The following RADIL variants were observed in gnomAD, a reference collection of about 807,000 sequenced individuals.
The protein encoded by RADIL is ras-associating and dilute domain-containing protein.
A neutral mutation model predicts 97.6 loss-of-function variants in RADIL; 99 were observed. That is an observed-to-expected ratio of 1.01 (90% CI 0.86 to 1.20). RADIL has a LOEUF of 1.20. RADIL is among the 50% of genes most tolerant of loss of function. The probability of loss-of-function intolerance (pLI) is 0.00; values close to 1 mark genes in which losing one functional copy is unlikely to be tolerated. For missense variants in RADIL, 1,765 were observed against 1,498.9 expected, an observed-to-expected ratio of 1.18 and a Z score of -2.93; for synonymous variants, 803 against 691.8, an observed-to-expected ratio of 1.16 and a Z score of -2.52.
chr7:4,869,595 C>A (rs951265982), intron 2 of RADIL, among the ~76,000 whole-genome samples: 6 of 149,168 alleles, frequency 4.0e-5, no homozygotes, highest in South Asian at 4.2e-4. Context: ...TTACAAAATT[C>A]TTTCCCCAGG....
In RADIL at chr7:4,817,360, A is replaced by C; in HGVS notation, c.1616-9T>G. 6.2e-7 allele frequency: 1 copy of C among 1,609,042 alleles called. No individual in the cohort carries two copies. Among genetic ancestry groups the C allele is most frequent in the African/African-American group, 1.3e-5 (1 of 74,962 alleles). The stretch of plus-strand genomic sequence containing the variant: ...CAGCGATTCCTTCGAGCCTGCCGGG[A>C]GACAGCCACGCCAATGGTCACAACG... On this transcript the variant is annotated splice_polypyrimidine_tract_variant and intron_variant, in intron 6 of 14. Transcript: ENST00000399583. This position sits in a 1 kb window ranked among gnomAD's most constrained non-coding sequence, Gnocchi z 8.3.
chr7:4,865,229 T>G (rs1320934020), intron 2 of RADIL, among the ~76,000 whole-genome samples: 2 of 152,236 alleles, frequency 1.3e-5, no homozygotes, highest in African/African-American at 2.4e-5. Context: ...CACATGTGCT[T>G]CTTTTTCATA....
intron 2 of RADIL, among the ~76,000 whole-genome samples, chr7:4,874,945 C>G (rs571778032): frequency 6.6e-6 from 1 of 152,220 alleles, no homozygotes; most frequent in East Asian, 1.9e-4. Flanking sequence ...GTAATCCCAG[C>G]ACTTTGGGAG....
intron 5 of RADIL, among the ~76,000 whole-genome samples, chr7:4,830,914 G>C (rs561020527): frequency 6.6e-6 from 1 of 152,046 alleles, no homozygotes; most frequent in Non-Finnish European, 1.5e-5. Context: ...CCAGCTACTC[G>C]GGAGGCTGAG....
chr7:4,854,486 G>A lies in RADIL; in HGVS notation c.536-17881C>T, dbSNP rs1337205938. Among the ~76,000 whole-genome samples, 1 of 152,188 alleles carries A rather than the reference G, an allele frequency of 6.6e-6. No homozygotes were observed. The highest frequency in any genetic ancestry group is 2.4e-5 in the African/African-American group (1 of 41,440). On this transcript the variant is annotated intron_variant, in intron 2 of 14. Transcript: ENST00000399583. This position sits in a 1 kb window ranked among gnomAD's most constrained non-coding sequence, Gnocchi z 5.1. ...AGGCAGGCAGATCACCTGAGGTCAG[G>A]AGTTCAAGACCAGCCTGGCCAATAT...
At position 4,830,740 on chromosome 7, in the gene RADIL, C is replaced by A. The variant is rs193260094; in HGVS notation, c.1454+1401G>T. On this transcript the variant is annotated intron_variant, in intron 5 of 14. Transcript: ENST00000399583. The stretch of plus-strand genomic sequence containing the variant: ...TAAAAATACAAAATTAGCGGCTGGG[C>A]GCGGTGGTTCACACCTGTAATCCCA... 1.1e-4 allele frequency among the ~76,000 whole-genome samples: 16 copies of A among 152,158 alleles called. No individual in the cohort carries two copies. In the East Asian group the frequency reaches 2.9e-3, roughly 28 times the overall value.
At chr7:4,861,673 G>A (rs1784004007) in intron 2 of RADIL, 7 of 1,599,678 alleles carry the variant, frequency 4.4e-6, no homozygotes, top group African/African-American at 2.7e-5. Flanking sequence ...AGGGCCTGAG[G>A]GTTTCTATTA....
At chr7:4,869,537 C>CTT (rs11355907) in intron 2 of RADIL, among the ~76,000 whole-genome samples, 1 of 146,330 alleles carries the variant, frequency 6.8e-6, no homozygotes. Flanking sequence ...ACCCAATTTC[C>CTT]TTTTTTTTTT....
intron 2 of RADIL, among the ~76,000 whole-genome samples, chr7:4,875,125 G>A (rs1261019532): frequency 6.9e-6 from 1 of 144,276 alleles, no homozygotes; most frequent in Non-Finnish European, 1.5e-5. Flanking sequence ...CCGGGAGGCG[G>A]AGCTTGCAGT....
At chr7:4,803,988 G>A (rs1206485431) in intron 10 of RADIL, 4 of 606,808 alleles carry the variant, frequency 6.6e-6, no homozygotes, top group Non-Finnish European at 3.0e-6. Context: ...TCAGGACTGA[G>A]AACAAGGCCT....
Position 4,836,379 on chromosome 7 carries a change from C to T in RADIL, c.762G>A (p.Leu254=). 2 of 1,573,722 alleles carry T rather than the reference C, an allele frequency of 1.3e-6. No individual in the cohort carries two copies. The highest frequency in any genetic ancestry group is 4.7e-5 in the East Asian group (2 of 42,742). The change falls in exon 3 of 15, where the codon CTG becomes CTA. Residue 254 remains leucine (L), a synonymous_variant. Coordinates refer to ENST00000399583, the MANE Select transcript of RADIL (RefSeq NM_018059.5). ...SLYQSPHLLL[L]QGYSQQHDSL... is the part of the protein sequence containing the mutation. ...TCACGTGCTGCTGGCTGTAGCCCTG[C>T]AGAAGGAGCAGATGCGGGGACTGGT... is the stretch of plus-strand genomic sequence containing the variant.
rs541796784 is a variant in RADIL at position 4,808,631 on chromosome 7, GTC to G, written c.2140-2917_2140-2916del. The G allele has an allele frequency of 1.6e-5, 16 of 985,260 alleles. No individual in the cohort carries two copies. The East Asian group carries it at 1.6e-3, about 98-fold the overall frequency. The allele number at this position is 985,260 out of a possible 1,614,324, so 61.0% of individuals were successfully genotyped here. A position where few individuals can be genotyped will look rare whatever the true frequency, so the allele number is the denominator to read the frequency against. The stretch of plus-strand genomic sequence containing the variant: ...TACAAGAAGCAGCCCCGCGGCCCTG[GTC>G]TCTCCTTCCAACGCCACTGCCCCTC... On this transcript the variant is annotated intron_variant, in intron 9 of 14. Coordinates refer to ENST00000399583, the MANE Select transcript of RADIL (RefSeq NM_018059.5).
chr7:4,867,642 A>T lies in RADIL; in HGVS notation c.535+9963T>A, dbSNP rs953806859. Among the ~76,000 whole-genome samples the T allele has an allele frequency of 5.3e-5, 8 of 152,096 alleles. No individual in the cohort carries two copies. The highest frequency in any genetic ancestry group is 1.9e-4 in the African/African-American group (8 of 41,392). On this transcript the variant is annotated intron_variant, in intron 2 of 14. Transcript: ENST00000399583. The surrounding 1 kb of genome is among the most constrained non-coding windows in gnomAD (Gnocchi z 4.1). Reference sequence around the variant, plus strand: ...TTTTAAAATAAATAAGTAAATAAATAAATAAATAAATAATGTAATGTGAGT... The same window carrying T: ...TTTTAAAATAAATAAGTAAATAAATTAATAAATAAATAATGTAATGTGAGT...
intron 2 of RADIL, among the ~76,000 whole-genome samples, chr7:4,869,336 G>A (rs1784201780): frequency 6.6e-6 from 1 of 152,136 alleles, no homozygotes; most frequent in Non-Finnish European, 1.5e-5. Context: ...GTCTCATTAT[G>A]TTGCTCGGGC....
Position 4,819,084 on chromosome 7 carries a change from T to G in RADIL, c.1616-1733A>C, listed in dbSNP as rs551920898. ...TCTCTCTCTCTCTCTTTTTTTTTTT[T>G]TTTTAAAGACAGAGTCTCACTCTGT... On this transcript the variant is annotated intron_variant, in intron 6 of 14. Coordinates refer to ENST00000399583, the MANE Select transcript of RADIL (RefSeq NM_018059.5). The surrounding 1 kb of genome is among the most constrained non-coding windows in gnomAD (Gnocchi z 5.8). 2.2e-3 allele frequency among the ~76,000 whole-genome samples: 321 copies of G among 149,238 alleles called. 6 individuals carry two copies. The highest frequency in any genetic ancestry group is 7.7e-3 in the African/African-American group (305 of 39,752).
intron 9 of RADIL, chr7:4,806,057 C>T (rs926183470): frequency 4.1e-6 from 4 of 985,228 alleles, no homozygotes; most frequent in African/African-American, 1.7e-5. Context: ...CTGCCTCCAA[C>T]GGTGTGAAAG....
At chr7:4,825,598 C>T (rs554102585) in intron 5 of RADIL, among the ~76,000 whole-genome samples, 3 of 152,112 alleles carry the variant, frequency 2.0e-5, no homozygotes, top group Non-Finnish European at 2.9e-5. Flanking sequence ...AGAAAAAAGC[C>T]GGGTGCGGTG....
chr7:4,855,493 A>G lies in RADIL; in HGVS notation c.536-18888T>C, dbSNP rs182538743. On this transcript the variant is annotated intron_variant, in intron 2 of 14. Coordinates refer to ENST00000399583, the MANE Select transcript of RADIL (RefSeq NM_018059.5). Reference sequence around the variant, plus strand: ...AGTGTGGGCCCGTCAACTGTGCTAGATAAGACCAAGCTGCTTCCCAAAGGG... The same window carrying G: ...AGTGTGGGCCCGTCAACTGTGCTAGGTAAGACCAAGCTGCTTCCCAAAGGG... 2.7e-4 allele frequency among the ~76,000 whole-genome samples: 41 copies of G among 152,162 alleles called. 1 individual carries two copies. The East Asian group carries it at 7.4e-3, about 27-fold the overall frequency.
At position 4,835,591 on chromosome 7, in the gene RADIL, G is replaced by A. The variant is rs1296149743; in HGVS notation, c.784-352C>T. Among the ~76,000 whole-genome samples the A allele has an allele frequency of 6.6e-6, 1 of 152,124 alleles. No homozygotes were observed. The highest frequency in any genetic ancestry group is 1.5e-5 in the Non-Finnish European group (1 of 68,010). Reference sequence around the variant, plus strand: ...CTTCCCCCAAGTCATCCCCAAAACTGTGTGGGAGCACTGCCGCCTGTGTGG... The same window carrying A: ...CTTCCCCCAAGTCATCCCCAAAACTATGTGGGAGCACTGCCGCCTGTGTGG... On this transcript the variant is annotated intron_variant, in intron 3 of 14. Transcript: ENST00000399583. The surrounding 1 kb of genome is among the most constrained non-coding windows in gnomAD (Gnocchi z 5.8).
Sources: gnomAD v4.1 joint callset for allele counts (sites outside exome capture counted in the v4.1 genomes callset) on GRCh38, gnomAD v4.1.1 for gene constraint, Gnocchi (gnomAD v3.1) non-coding constraint, MANE v1.5 for transcripts, NCBI Gene and HGNC (gene_info 2026-07-23, HGNC 2026-07-21) for gene names.